Variants in TYW1 observed in about 807,000 individuals in gnomAD.
TYW1 encodes the protein tRNA-yW synthesizing protein 1 homolog, also known as S-adenosyl-L-methionine-dependent tRNA 4-demethylwyosine synthase TYW1.
Under a neutral mutation model 96.2 loss-of-function variants are expected in TYW1, and 46 were observed. The observed-to-expected ratio is 0.48, with a 90% CI of 0.38 to 0.61. The LOEUF is 0.61. TYW1 is among the 20% of genes least tolerant of loss of function. The probability of loss-of-function intolerance (pLI) is 0.00; values close to 1 mark genes in which losing one functional copy is unlikely to be tolerated. For synonymous variants in TYW1, 274 were observed against 323.0 expected (o/e 0.85, Z 1.63); for missense variants, 684 against 909.6 (o/e 0.75, Z 3.19).
At chr7:67,199,457 C>G (rs10243421) in intron 15 of TYW1, among the ~76,000 whole-genome samples, 38,214 of 152,090 alleles carry the variant, frequency 0.25, 4,984 homozygotes, top group African/African-American at 0.3. Flanking sequence ...TACCTTAAGA[C>G]AATGCAGTAT....
intron 13 of TYW1, among the ~76,000 whole-genome samples, chr7:67,177,807 C>T (rs1317596544): frequency 1.3e-5 from 2 of 151,814 alleles, no homozygotes; most frequent in Non-Finnish European, 2.9e-5. Flanking sequence ...CCCCCATGAC[C>T]CAGCATGTCC....
At chr7:67,127,061 G>C (rs1251820620) in intron 13 of TYW1, among the ~76,000 whole-genome samples, 1 of 151,468 alleles carries the variant, frequency 6.6e-6, no homozygotes, top group East Asian at 1.9e-4. Flanking sequence ...GTTTTCCCTA[G>C]AGTTTGTAAT....
chr7:67,058,977 T>C lies in TYW1; in HGVS notation c.1155+3090T>C, dbSNP rs564920143. ...CTCTAGAAGAAAATGATGGTTATTT[T>C]GGAATAGAGCATTGCAATGGGAATA... On this transcript the variant is annotated intron_variant, in intron 9 of 15. Coordinates refer to ENST00000359626, the MANE Select transcript of TYW1 (RefSeq NM_018264.4). 2.0e-5 allele frequency among the ~76,000 whole-genome samples: 3 copies of C among 152,240 alleles called. No homozygotes were observed. The East Asian group carries it at 5.8e-4, about 29-fold the overall frequency.
In TYW1 at chr7:66,998,093, C is replaced by T. The variant is rs1428978496; in HGVS notation, c.33C>T (p.Phe11=). The change falls in exon 2 of 16, where the codon TTC becomes TTT. Residue 11 remains phenylalanine (F), a synonymous_variant. Coordinates refer to ENST00000359626, the MANE Select transcript of TYW1 (RefSeq NM_018264.4). MDPSADTWDL[F]SPLISLWINR... is the part of the protein sequence containing the mutation. ...CTTCTGCGGATACATGGGACCTCTT[C>T]TCACCTTTAATATCATTATGGATAA... 1.2e-6 allele frequency: 2 copies of T among 1,608,854 alleles called. No homozygotes were observed. The highest frequency in any genetic ancestry group is 1.1e-5 in the South Asian group (1 of 89,494).
At chr7:67,016,533 GTGAAACT>G (rs202197154) in intron 5 of TYW1, among the ~76,000 whole-genome samples, 2,950 of 152,176 alleles carry the variant, frequency 0.019, 45 homozygotes, top group Non-Finnish European at 0.03. Flanking sequence ...GGTAACAAGA[GTGAAACT>G]CTGTCTCAAA....
chr7:67,057,511 T>A (rs1469567288), intron 9 of TYW1, among the ~76,000 whole-genome samples: 1 of 152,024 alleles, frequency 6.6e-6, no homozygotes, highest in African/African-American at 2.4e-5. Context: ...TACAAGCGTG[T>A]GCCAACACGC....
At chr7:67,171,371 C>G (rs1223199682) in intron 13 of TYW1, among the ~76,000 whole-genome samples, 1 of 152,006 alleles carries the variant, frequency 6.6e-6, no homozygotes, top group Non-Finnish European at 1.5e-5. Context: ...TTTCTGTTCT[C>G]TATTTCTTTT....
Position 67,096,388 on chromosome 7 carries a change from AAAAC to A in TYW1, c.1385-2133_1385-2130del, listed in dbSNP as rs531228141. Among the ~76,000 whole-genome samples the A allele has an allele frequency of 6.3e-4, 96 of 152,212 alleles. 1 individual carries two copies. The South Asian group carries it at 0.011, about 17-fold the overall frequency. On this transcript the variant is annotated intron_variant, in intron 11 of 15. Coordinates refer to ENST00000359626, the MANE Select transcript of TYW1 (RefSeq NM_018264.4). ...GGTGATGGAGCGCAACTCCATCTCA[AAAAC>A]AAACAAACAAACAAACAAAACAAAG...
intron 15 of TYW1, among the ~76,000 whole-genome samples, chr7:67,236,117 C>G (rs1349798628): frequency 6.6e-6 from 1 of 152,116 alleles, no homozygotes; most frequent in African/African-American, 2.4e-5. Flanking sequence ...CATGGGAACT[C>G]TCTCACTGCA....
At chr7:67,235,661 A>T (rs1227235755) in intron 15 of TYW1, among the ~76,000 whole-genome samples, 1 of 151,996 alleles carries the variant, frequency 6.6e-6, no homozygotes, top group African/African-American at 2.4e-5. Context: ...GGAGGCCGAG[A>T]TGGGCGGATC....
chr7:67,184,011 G>A (rs914288251), intron 14 of TYW1, among the ~76,000 whole-genome samples: 2 of 151,956 alleles, frequency 1.3e-5, no homozygotes, highest in African/African-American at 2.4e-5. Context: ...TAGCGAGAAG[G>A]TCTCACTGTT....
intron 9 of TYW1, among the ~76,000 whole-genome samples, chr7:67,066,920 G>A (rs1023315307): frequency 1.2e-4 from 19 of 152,240 alleles, no homozygotes; most frequent in Admixed American, 8.5e-4. Flanking sequence ...GCAGGGATAT[G>A]CTTGCATAGG....
At chr7:67,029,409 G>GTATA in intron 7 of TYW1, among the ~76,000 whole-genome samples, 8 of 107,112 alleles carry the variant, frequency 7.5e-5, no homozygotes, top group African/African-American at 1.4e-4. Flanking sequence ...GTGTGTGTGT[G>GTATA]TGTGTGTATA....
At chr7:67,018,741 AAG>A (rs1382257926) in intron 6 of TYW1, among the ~76,000 whole-genome samples, 1 of 151,808 alleles carries the variant, frequency 6.6e-6, no homozygotes, top group Non-Finnish European at 1.5e-5. Context: ...GGATCACTTG[AAG>A]TCGGGAGTTC....
chr7:67,238,620 C>T lies in TYW1; in HGVS notation c.*91C>T. ...ACTGTGATTCTCCAAGGACGAATTA[C>T]GTAAATTATACTTTCATACAAAGGA... On this transcript the variant is annotated 3_prime_UTR_variant, in exon 16 of 16. Coordinates refer to ENST00000359626, the MANE Select transcript of TYW1 (RefSeq NM_018264.4). 10 of 1,529,378 alleles carry T rather than the reference C, an allele frequency of 6.5e-6. No individual in the cohort carries two copies. Among genetic ancestry groups the T allele is most frequent in the East Asian group, 4.8e-5 (2 of 41,820 alleles). The allele number at this position is 1,529,378 out of a possible 1,614,324, so 94.7% of individuals were successfully genotyped here. A position where few individuals can be genotyped will look rare whatever the true frequency, so the allele number is the denominator to read the frequency against.
At chr7:67,172,463 C>G (rs578065261) in intron 13 of TYW1, among the ~76,000 whole-genome samples, 85 of 150,584 alleles carry the variant, frequency 5.6e-4, no homozygotes, top group African/African-American at 1.8e-3. Context: ...CTCTGTTGCC[C>G]AGGCTGGAGT....
At chr7:67,179,332 G>T (rs1799769430) in intron 13 of TYW1, among the ~76,000 whole-genome samples, 1 of 135,908 alleles carries the variant, frequency 7.4e-6, no homozygotes, top group Admixed American at 7.3e-5. Flanking sequence ...GTGGCCATCT[G>T]CTGGTTCCTG....
At chr7:67,029,030 G>T (rs1430331001) in intron 7 of TYW1, among the ~76,000 whole-genome samples, 2 of 149,942 alleles carry the variant, frequency 1.3e-5, no homozygotes, top group Non-Finnish European at 3.0e-5. Context: ...ACGGAGTCTC[G>T]CTCTGTTGCC....
Position 67,238,589 on chromosome 7 carries a change from A to G in TYW1, c.*60A>G. The G allele has an allele frequency of 6.3e-7, 1 of 1,595,600 alleles. No individual in the cohort carries two copies. On this transcript the variant is annotated 3_prime_UTR_variant, in exon 16 of 16. Transcript: ENST00000359626. Reference sequence around the variant, plus strand: ...CTTGGATGGCCTCAAAAGGTTCTTGAACACCACTGTGATTCTCCAAGGACG... The same window carrying G: ...CTTGGATGGCCTCAAAAGGTTCTTGGACACCACTGTGATTCTCCAAGGACG...
Sources: gnomAD v4.1 joint callset for allele counts (sites outside exome capture counted in the v4.1 genomes callset) on GRCh38, gnomAD v4.1.1 for gene constraint, MANE v1.5 for transcripts, NCBI Gene and HGNC (gene_info 2026-07-23, HGNC 2026-07-21) for gene names.